The following ASH1L variants were observed in gnomAD, a reference collection of about 807,000 sequenced individuals.
ASH1L encodes the protein histone-lysine N-methyltransferase ASH1L.
A neutral mutation model predicts 269.0 loss-of-function variants in ASH1L; 23 were observed. The observed-to-expected ratio is 0.09, with a 90% CI of 0.06 to 0.12. The LOEUF is 0.12. Ranked by LOEUF, ASH1L falls within the 10% of genes least tolerant of loss-of-function variation. ASH1L has a pLI of 1.00. For synonymous variants in ASH1L, 1,187 were observed against 1,253.5 expected (o/e 0.95, Z 1.12); for missense variants, 2,912 against 3,567.8 (o/e 0.82, Z 4.68).
chr1:155,543,664 G>A (rs1670596504), intron 1 of ASH1L, among the ~76,000 whole-genome samples: 1 of 152,022 alleles, frequency 6.6e-6, no homozygotes, highest in Admixed American at 6.6e-5. Flanking sequence ...TGGCATGGTG[G>A]CTCACATCTA....
chr1:155,378,304 G>A lies in ASH1L; in HGVS notation c.6309C>T (p.Gly2103=). 6.2e-7 allele frequency: 1 copy of A among 1,614,102 alleles called. No homozygotes were observed. Among genetic ancestry groups the A allele is most frequent in the Non-Finnish European group, 8.5e-7 (1 of 1,179,962 alleles). ...CKKPDDDTRK[G]CVDDCLNRMI... is the part of the protein sequence containing the mutation. Reference sequence around the variant, plus strand: ...ACCTATTGAGGCAGTCATCAACACAGCCCTTCCTGGTGTCATCATCTGGCT... The same window carrying A: ...ACCTATTGAGGCAGTCATCAACACAACCCTTCCTGGTGTCATCATCTGGCT... The change falls in exon 10 of 28, where the codon GGC becomes GGT. Residue 2103 remains glycine (G), a synonymous_variant. Coordinates refer to ENST00000392403, the MANE Select transcript of ASH1L (RefSeq NM_018489.3).
At chr1:155,484,827 G>A (rs1239452471) in intron 2 of ASH1L, among the ~76,000 whole-genome samples, 2 of 150,778 alleles carry the variant, frequency 1.3e-5, no homozygotes, top group Non-Finnish European at 1.5e-5. Context: ...TACTTGGGAG[G>A]CTAAGGTATG....
At chr1:155,525,991 T>C (rs1056686798) in intron 1 of ASH1L, among the ~76,000 whole-genome samples, 1 of 152,178 alleles carries the variant, frequency 6.6e-6, no homozygotes, top group Non-Finnish European at 1.5e-5. Flanking sequence ...TACTTTAAAA[T>C]TTTGTATAAT....
intron 6 of ASH1L, among the ~76,000 whole-genome samples, chr1:155,408,481 G>A (rs1319906220): frequency 6.6e-6 from 1 of 152,106 alleles, no homozygotes; most frequent in African/African-American, 2.4e-5. Flanking sequence ...AAAGCTCCTT[G>A]AGGGAAATAG....
intron 1 of ASH1L, among the ~76,000 whole-genome samples, chr1:155,536,169 T>C (rs995833374): frequency 3.3e-5 from 5 of 152,110 alleles, no homozygotes; most frequent in Non-Finnish European, 5.9e-5. Flanking sequence ...AGCCAAAAAG[T>C]AAGTGCGAAG....
At chr1:155,452,706 G>A (rs1050733258) in intron 4 of ASH1L, among the ~76,000 whole-genome samples, 6 of 151,926 alleles carry the variant, frequency 3.9e-5, no homozygotes, top group Middle Eastern at 3.2e-3. Context: ...AGGTGTGCGT[G>A]ACCATGTCTG....
intron 1 of ASH1L, among the ~76,000 whole-genome samples, chr1:155,543,948 A>T (rs1471736419): frequency 1.3e-5 from 2 of 152,120 alleles, no homozygotes; most frequent in Non-Finnish European, 2.9e-5. Context: ...CAAAAAAAAC[A>T]CAACAAAACA....
Position 155,562,598 on chromosome 1 carries a change from C to T in ASH1L, c.-545G>A, listed in dbSNP as rs1672100843. ...GACTCCGTCCGCGTAGCGCGCACGC[C>T]CGCCCGCACGCGTACGAGTGTCTAC... On this transcript the variant is annotated 5_prime_UTR_variant, in exon 1 of 28. Coordinates refer to ENST00000392403, the MANE Select transcript of ASH1L (RefSeq NM_018489.3). 2 of 1,528,584 alleles carry T rather than the reference C, an allele frequency of 1.3e-6. No individual in the cohort carries two copies. The highest frequency in any genetic ancestry group is 1.2e-5 in the South Asian group (1 of 83,800). 94.7% of individuals were successfully genotyped at this position (1,528,584 alleles called of 1,614,324 possible).
chr1:155,503,503 A>C (rs541164228), intron 2 of ASH1L, among the ~76,000 whole-genome samples: 1 of 152,340 alleles, frequency 6.6e-6, no homozygotes, highest in East Asian at 1.9e-4. Context: ...GTTTTGTTTC[A>C]AAAGTGAGTT....
chr1:155,548,944 C>T (rs74118487), intron 1 of ASH1L, among the ~76,000 whole-genome samples: 2,196 of 152,230 alleles, frequency 0.014, 43 homozygotes, highest in African/African-American at 0.05. Flanking sequence ...GTTTCACATA[C>T]GAGGATTCAA....
intron 2 of ASH1L, among the ~76,000 whole-genome samples, chr1:155,511,611 T>C (rs753703611): frequency 2.2e-4 from 33 of 152,198 alleles, no homozygotes; most frequent in Admixed American, 9.8e-4. Context: ...GCTGAAGTGA[T>C]TCTCCTGCCT....
intron 10 of ASH1L, 62 bp downstream of exon 10, chr1:155,378,219 A>G (rs1436952579): frequency 5.3e-6 from 7 of 1,308,478 alleles, no homozygotes; most frequent in Non-Finnish European, 7.7e-6. Context: ...GTACCCTCCA[A>G]AGGAAGTGTT....
At chr1:155,518,794 A>G (rs1470398181) in intron 2 of ASH1L, among the ~76,000 whole-genome samples, 1 of 141,040 alleles carries the variant, frequency 7.1e-6, no homozygotes, top group Non-Finnish European at 1.5e-5. Flanking sequence ...CAGGAGAGGT[A>G]GAGGGGAGAC....
At chr1:155,393,334 G>T (rs917566875) in intron 7 of ASH1L, among the ~76,000 whole-genome samples, 1 of 152,066 alleles carries the variant, frequency 6.6e-6, no homozygotes, top group African/African-American at 2.4e-5. Flanking sequence ...AAGGAGATTA[G>T]TTAATCAGAA....
intron 13 of ASH1L, chr1:155,358,637 G>A (rs1218530886): frequency 2.7e-5 from 4 of 150,744 alleles, no homozygotes; most frequent in East Asian, 1.9e-4. Flanking sequence ...GCAGCAAGCC[G>A]AGATCACGCC....
At chr1:155,456,000 T>A (rs1663838009) in intron 4 of ASH1L, among the ~76,000 whole-genome samples, 1 of 152,176 alleles carries the variant, frequency 6.6e-6, no homozygotes, top group Non-Finnish European at 1.5e-5. Context: ...TGGTTTTTTG[T>A]TCTACTAGAG....
At position 155,337,669 on chromosome 1, in the gene ASH1L, A is replaced by C; in HGVS notation, c.8886T>G (p.Phe2962Leu). 1 of 1,613,652 alleles carries C rather than the reference A, an allele frequency of 6.2e-7. No homozygotes were observed. Among genetic ancestry groups the C allele is most frequent in the Non-Finnish European group, 8.5e-7 (1 of 1,179,632 alleles). The change falls in exon 28 of 28, where the codon TTT (phenylalanine) becomes TTG (leucine). Residue 2962 changes from phenylalanine (F) to leucine (L), a missense_variant. Physicochemically the swap from Phe to Leu is conservative, Grantham distance 22. Coordinates refer to ENST00000392403, the MANE Select transcript of ASH1L (RefSeq NM_018489.3). ...RRTLFIPENS[F>L]RK ...TCTCATTCTTTGAGGGTCACTTTCG[A>C]AAGCTGTTTTCTGGGATAAACAAAG...
In ASH1L at chr1:155,478,616, G is replaced by A. The variant is rs1460040842; in HGVS notation, c.4254C>T (p.Thr1418=). 4 of 1,613,888 alleles carry A rather than the reference G, an allele frequency of 2.5e-6. No homozygotes were observed. The highest frequency in any genetic ancestry group is 3.4e-6 in the Non-Finnish European group (4 of 1,180,010). ...TATAGGAAGGAGGTGGAAGTGGCGT[G>A]GTGAAAGAAGGAGATGGAGGAGGTG... is the stretch of plus-strand genomic sequence containing the variant. ...LYPPPPSPSF[T]TPLPPPSYMH... Residue 1418 remains threonine, a synonymous_variant, in exon 3 of 28, where the codon ACC becomes ACT. Transcript: ENST00000392403. The surrounding 1 kb of genome is among the most constrained non-coding windows in gnomAD (Gnocchi z 4.6).
intron 4 of ASH1L, among the ~76,000 whole-genome samples, chr1:155,442,583 C>CAA (rs1205815203): frequency 3.6e-4 from 12 of 33,542 alleles, no homozygotes; most frequent in Admixed American, 6.2e-4. Context: ...GACTCCATCT[C>CAA]AAAAAAAAAA....
Sources: gnomAD v4.1 joint callset for allele counts (sites outside exome capture counted in the v4.1 genomes callset) on GRCh38, gnomAD v4.1.1 for gene constraint, Gnocchi (gnomAD v3.1) non-coding constraint, MANE v1.5 for transcripts, NCBI Gene and HGNC (gene_info 2026-07-23, HGNC 2026-07-21) for gene names.